Variants in KANSL3 observed in about 807,000 individuals in gnomAD.
The protein encoded by KANSL3 is NSL complex protein NSL3.
Under a neutral mutation model 89.2 loss-of-function variants are expected in KANSL3, and 16 were observed. The ratio of observed to expected loss-of-function variants is 0.18; its 90% CI spans 0.12 to 0.27. KANSL3 has a LOEUF of 0.27. Among genes scored for constraint, KANSL3 ranks in the 10% least tolerant of loss-of-function variants. KANSL3 has a pLI of 1.00. For missense variants in KANSL3, 879 were observed against 1,110.6 expected, an observed-to-expected ratio of 0.79 and a Z score of 2.96; for synonymous variants, 385 against 419.7, an observed-to-expected ratio of 0.92 and a Z score of 1.01.
intron 5 of KANSL3, chr2:96,615,177 A>AAAAAAAAAAAAAAAAAAAAAAAAAAAAC (rs2069798931): frequency 6.6e-6 from 1 of 151,662 alleles, no homozygotes; most frequent in African/African-American, 2.5e-5. Context: ...AAAAAAAAAA[A>AAAAAAAAAAAAAAAAAAAAAAAAAAAAC]AAAAAAAAAA....
At chr2:96,628,049 A>T (rs1200237087) in intron 3 of KANSL3, 9 of 1,290,472 alleles carry the variant, frequency 7.0e-6, no homozygotes, top group Non-Finnish European at 9.1e-6. Flanking sequence ...GCAATGTGGC[A>T]ATGTCATAAC....
In KANSL3 at chr2:96,599,598, G is replaced by A. The variant is rs2066893794; in HGVS notation, c.2616+2045C>T. ...TATGATCTAGAAATAAAAGTTAAAA[G>A]ACTGACTGACATTCAATGAATGCTT... On this transcript the variant is annotated intron_variant, in intron 20 of 20. Coordinates refer to ENST00000431828, the MANE Select transcript of KANSL3 (RefSeq NM_001115016.3). 3 of 162,164 alleles carry A rather than the reference G, an allele frequency of 1.8e-5. No homozygotes were observed. In the Admixed American group the frequency reaches 2.0e-4, roughly 11 times the overall value. The allele number at this position is 162,164 out of a possible 1,614,324, so 10.0% of individuals were successfully genotyped here. A position where few individuals can be genotyped will look rare whatever the true frequency, so the allele number is the denominator to read the frequency against.
downstream of KANSL3, among the ~76,000 whole-genome samples, chr2:96,588,636 G>T (rs2066256455): frequency 6.6e-6 from 1 of 152,026 alleles, no homozygotes; most frequent in African/African-American, 2.4e-5. Flanking sequence ...TGTCACCCAG[G>T]CTGAAGTACA....
intron 1 of KANSL3, 38 bp from the exon 2 acceptor site, chr2:96,637,223 T>TACGGCGA: frequency 2.5e-6 from 2 of 785,482 alleles, no homozygotes; most frequent in South Asian, 1.7e-5. Flanking sequence ...AATTCCAATA[T>TACGGCGA]CCTAAATTTC....
chr2:96,604,806 T>C lies in KANSL3; in HGVS notation c.1991A>G (p.Glu664Gly). ...GGCTGTGGTGAGAAGTCCTGTGAGC[T>C]CCTTGGCCCCTGCTGAAGCCTGCCC... ...TLGQASAGAK[E>G]LTGLLTTAKS... is the part of the protein sequence containing the mutation. Residue 664 changes from glutamate (E) to glycine (G), a missense_variant, in exon 16 of 21, where the codon GAG becomes GGG. This residue lies in a region of KANSL3 where 317 missense variants were observed against 311.2 expected (regional missense o/e 1.02). Transcript: ENST00000431828. 1 of 1,599,530 alleles carries C rather than the reference T, an allele frequency of 6.3e-7. No individual in the cohort carries two copies. Among genetic ancestry groups the C allele is most frequent in the Non-Finnish European group, 8.5e-7 (1 of 1,173,142 alleles).
At chr2:96,580,939 C>T in the KANSL3 span, among the ~76,000 whole-genome samples, 2 of 152,206 alleles carry the variant, frequency 1.3e-5, no homozygotes, top group Non-Finnish European at 2.9e-5. Context: ...GTGCTGCCAC[C>T]TCCTGTTAGG....
In KANSL3 at chr2:96,636,952, C is replaced by T; in HGVS notation, c.184G>A (p.Val62Ile). The T allele has an allele frequency of 6.5e-7, 1 of 1,545,686 alleles. No individual in the cohort carries two copies. The highest frequency in any genetic ancestry group is 8.7e-7 in the Non-Finnish European group (1 of 1,143,474). The change falls in exon 2 of 21, where the codon GTC becomes ATC. Residue 62 changes from valine (V) to isoleucine (I), a missense_variant. Transcript: ENST00000431828. The stretch of plus-strand genomic sequence containing the variant: ...CTTTCGTGCTGCCGCCGGGGAGTGA[C>T]AAAGAGCATGCGGGTGGGGCGGGCA... ...SSARPTRMLFVTPRRQHESTI... is the reference protein window; with the variant it reads ...SSARPTRMLFITPRRQHESTI...
At chr2:96,614,552 CT>C (rs1201328313) in intron 5 of KANSL3, among the ~76,000 whole-genome samples, 2 of 152,132 alleles carry the variant, frequency 1.3e-5, no homozygotes, top group Non-Finnish European at 2.9e-5. Flanking sequence ...GGGCAGATCA[CT>C]TGAGGTCAGG....
At chr2:96,624,731 AGGCCGGT>A (rs2071982781) in intron 3 of KANSL3, among the ~76,000 whole-genome samples, 1 of 152,084 alleles carries the variant, frequency 6.6e-6, no homozygotes, top group Non-Finnish European at 1.5e-5. Flanking sequence ...CATGTTGGCC[AGGCCGGT>A]CTCAAACTCC....
In KANSL3 at chr2:96,601,723, T is replaced by C. The variant is rs1248295193; in HGVS notation, c.2536A>G (p.Ile846Val). ...TLTLRGQPSR[I>V]TTLSPMGSGA... is the part of the protein sequence containing the mutation. ...GAGCCCATAGGGCTCAGTGTAGTGA[T>C]CCTGCTCGGCTGGCCACGAAGTGTC... Residue 846 changes from isoleucine (I) to valine (V), a missense_variant, in exon 20 of 21, where the codon ATC (isoleucine) becomes GTC (valine). Around this residue, in one of 6 missense-constraint regions of KANSL3, gnomAD observed 61 missense variants for 61.7 expected, o/e 0.99. Transcript: ENST00000431828. 1 of 1,605,496 alleles carries C rather than the reference T, an allele frequency of 6.2e-7. No individual in the cohort carries two copies.
intron 20 of KANSL3, among the ~76,000 whole-genome samples, chr2:96,596,413 C>CATAGT (rs771975662): frequency 1.3e-5 from 2 of 152,198 alleles, no homozygotes; most frequent in Non-Finnish European, 2.9e-5. Context: ...ATTAGGTGAG[C>CATAGT]ATAGTGCTGC....
intron 9 of KANSL3, 58 bp downstream of exon 9, chr2:96,612,224 C>T (rs2069134067): frequency 1.7e-6 from 2 of 1,178,758 alleles, no homozygotes; most frequent in Admixed American, 3.4e-5. Flanking sequence ...TCAATGGTAG[C>T]TATGATTAGT....
In KANSL3 at chr2:96,593,502, G is replaced by C. The variant is rs545349918; in HGVS notation, c.*2109C>G. 1 of 362,292 alleles carries C rather than the reference G, an allele frequency of 2.8e-6. No individual in the cohort carries two copies. The highest frequency in any genetic ancestry group is 5.5e-6 in the Non-Finnish European group (1 of 183,064). 22.4% of individuals were successfully genotyped at this position (362,292 alleles called of 1,614,324 possible). On this transcript the variant is annotated 3_prime_UTR_variant, in exon 21 of 21. Coordinates refer to ENST00000431828, the MANE Select transcript of KANSL3 (RefSeq NM_001115016.3). ...TAGTTTGCGAAGGGAACTGGAAAAC[G>C]TGACTCTAGGCCTCAGCCACTTCCT...
intron 20 of KANSL3, among the ~76,000 whole-genome samples, chr2:96,596,010 C>T (rs1558642433): frequency 6.6e-6 from 1 of 152,154 alleles, no homozygotes; most frequent in Non-Finnish European, 1.5e-5. Flanking sequence ...TATTATTACA[C>T]ATGAAGACAG....
intron 6 of KANSL3, among the ~76,000 whole-genome samples, 163 bp downstream of exon 6, chr2:96,613,325 C>T (rs535798827): frequency 6.6e-6 from 1 of 152,168 alleles, no homozygotes; most frequent in African/African-American, 2.4e-5. Context: ...AAGCTGAGAT[C>T]GTGCCACTGC....
chr2:96,590,700 T>C (rs2066265186), downstream of KANSL3, among the ~76,000 whole-genome samples: 1 of 151,148 alleles, frequency 6.6e-6, no homozygotes, highest in African/African-American at 2.4e-5. Context: ...CTGCATACAA[T>C]TGGCTGGGCA....
At position 96,595,267 on chromosome 2, in the gene KANSL3, C is replaced by T. The variant is rs962620950; in HGVS notation, c.*344G>A. 4 of 221,804 alleles carry T rather than the reference C, an allele frequency of 1.8e-5. No homozygotes were observed. The highest frequency in any genetic ancestry group is 9.1e-5 in the African/African-American group (4 of 44,104). The allele number at this position is 221,804 out of a possible 1,614,324, so 13.7% of individuals were successfully genotyped here. On this transcript the variant is annotated 3_prime_UTR_variant, in exon 21 of 21. Transcript: ENST00000431828. Reference sequence around the variant, plus strand: ...TAGCACAGACTTCCAAAAGGAAACACCTTCATTAAATGCAGCAGGCAGTCC... The same window carrying T: ...TAGCACAGACTTCCAAAAGGAAACATCTTCATTAAATGCAGCAGGCAGTCC...
rs201034204 is a variant in KANSL3, at chr2:96,612,965, G to C, written c.796-31C>G. On this transcript the variant is annotated intron_variant, in intron 6 of 20. Coordinates refer to ENST00000431828, the MANE Select transcript of KANSL3 (RefSeq NM_001115016.3). The stretch of plus-strand genomic sequence containing the variant: ...GAGGAAGAATCCCACCCAAAAACCA[G>C]TGAGTGAGAAGTGTCCTTTCATGAA... 1.1e-4 allele frequency: 157 copies of C among 1,423,938 alleles called. 1 individual carries two copies. The Admixed American group carries it at 3.0e-3, about 28-fold the overall frequency. The allele number at this position is 1,423,938 out of a possible 1,614,324, so 88.2% of individuals were successfully genotyped here. A position where few individuals can be genotyped will look rare whatever the true frequency, so the allele number is the denominator to read the frequency against.
At chr2:96,613,233 T>C (rs1015895189) in intron 6 of KANSL3, among the ~76,000 whole-genome samples, 8 of 152,118 alleles carry the variant, frequency 5.3e-5, no homozygotes, top group African/African-American at 1.9e-4. Flanking sequence ...TAGCTGGGCA[T>C]GGTGGTGCAT....
Sources: allele counts gnomAD v4.1 joint callset (sites outside exome capture counted in the v4.1 genomes callset), GRCh38; gene constraint gnomAD v4.1.1; regional missense constraint gnomAD v4.1.1; transcripts MANE v1.5; gene names NCBI Gene and HGNC (gene_info 2026-07-23, HGNC 2026-07-21).